The following GUCY2C variants were observed in gnomAD, a reference collection of about 807,000 sequenced individuals.
The protein encoded by GUCY2C is guanylyl cyclase C.
In GUCY2C, 118 loss-of-function variants were observed where a neutral mutation model predicts 131.1. The ratio of observed to expected loss-of-function variants is 0.90; its 90% CI spans 0.78 to 1.05. The LOEUF (loss-of-function observed/expected upper bound fraction) is 1.05, where lower values mean the gene tolerates loss of function less well. GUCY2C is among the 50% of genes least tolerant of loss of function. The pLI is 0.00. For synonymous variants in GUCY2C, 452 were observed against 457.8 expected (o/e 0.99, Z 0.16); for missense variants, 1,161 against 1,304.4 (o/e 0.89, Z 1.69).
rs552882263 is a variant in GUCY2C, at chr12:14,643,453, G to C, written c.1930+121C>G. On this transcript the variant is annotated intron_variant, in intron 17 of 26. Coordinates refer to ENST00000261170, the MANE Select transcript of GUCY2C (RefSeq NM_004963.4). ...TGAAGTTCTGGAGAATGAGCCAGCT[G>C]TTGTCTCTTGTGGCTTTAAGTGCTT... 717 of 795,680 alleles carry C rather than the reference G, an allele frequency of 9.0e-4. 6 individuals are homozygous for C. The highest frequency in any genetic ancestry group is 3.0e-3 in the South Asian group (174 of 57,614). 49.3% of individuals were successfully genotyped at this position (795,680 alleles called of 1,614,324 possible).
intron 10 of GUCY2C, among the ~76,000 whole-genome samples, chr12:14,668,210 C>G (rs568933447): frequency 1.3e-5 from 2 of 150,072 alleles, no homozygotes; most frequent in Admixed American, 6.7e-5. Context: ...TTGCTCTGTT[C>G]CCCAGGCTGG....
chr12:14,616,637 A>G lies in GUCY2C; in HGVS notation c.2966T>C (p.Leu989Ser). The change falls in exon 25 of 27, where the codon TTA (leucine) becomes TCA (serine). Residue 989 changes from leucine to serine, a missense_variant. Transcript: ENST00000261170. ...FLYEVRGETY[L>S]KGRGNETTYW... ...TTGTCTCTGTGGACTCCTTACCTTT[A>G]AGTATGTTTCTCCTCTCACTTCATA... is the stretch of plus-strand genomic sequence containing the variant. The G allele has an allele frequency of 6.4e-7, 1 of 1,550,814 alleles. No homozygotes were observed.
intron 17 of GUCY2C, among the ~76,000 whole-genome samples, chr12:14,641,943 A>AG (rs1947413809): frequency 6.6e-6 from 1 of 151,986 alleles, no homozygotes; most frequent in African/African-American, 2.4e-5. Context: ...TCTCAAAAAA[A>AG]AAAATACAAA....
At chr12:14,619,127 C>T (rs1205581208) in intron 24 of GUCY2C, 84 bp downstream of exon 24, 1 of 772,958 alleles carries the variant, frequency 1.3e-6, no homozygotes, top group Non-Finnish European at 2.3e-6. Context: ...CTTTGTATCT[C>T]CTTATTGTGC....
intron 2 of GUCY2C, among the ~76,000 whole-genome samples, 193 bp from the exon 3 acceptor site, chr12:14,686,418 AC>A (rs1040634350): frequency 1.3e-5 from 2 of 152,158 alleles, no homozygotes; most frequent in African/African-American, 4.8e-5. Context: ...GAGAGGGAAA[AC>A]ACACTACAGG....
chr12:14,662,715 A>ACAATTTAG (rs1208871988), intron 10 of GUCY2C, among the ~76,000 whole-genome samples: 16 of 151,870 alleles, frequency 1.1e-4, no homozygotes, highest in Non-Finnish European at 2.4e-4. Flanking sequence ...ATCACGGTAT[A>ACAATTTAG]CAATTTAGCT....
intron 21 of GUCY2C, among the ~76,000 whole-genome samples, chr12:14,622,615 G>T (rs553014217): frequency 6.6e-6 from 1 of 152,286 alleles, no homozygotes; most frequent in South Asian, 2.1e-4. Context: ...ACAGGTATCA[G>T]ATCTGAATTT....
intron 1 of GUCY2C, among the ~76,000 whole-genome samples, chr12:14,694,173 C>A (rs1384802443): frequency 6.6e-6 from 1 of 152,164 alleles, no homozygotes; most frequent in Non-Finnish European, 1.5e-5. Flanking sequence ...TAAGGTCATA[C>A]CTGTTGTGAA....
intron 12 of GUCY2C, among the ~76,000 whole-genome samples, chr12:14,653,480 T>G (rs1432041749): frequency 6.6e-6 from 1 of 152,234 alleles, no homozygotes; most frequent in East Asian, 1.9e-4. Context: ...CCGAAGTTGC[T>G]AAATCATCTT....
intron 1 of GUCY2C, among the ~76,000 whole-genome samples, chr12:14,692,234 T>A (rs1948587711): frequency 6.6e-6 from 1 of 152,196 alleles, no homozygotes; most frequent in Admixed American, 6.5e-5. Flanking sequence ...AGAGGCTATA[T>A]CACATATATT....
At position 14,641,123 on chromosome 12, in the gene GUCY2C, C is replaced by T. The variant is rs376847075; in HGVS notation, c.2027G>A (p.Arg676Gln). The T allele has an allele frequency of 2.5e-6, 4 of 1,613,740 alleles. No homozygotes were observed. Among genetic ancestry groups the T allele is most frequent in the African/African-American group, 1.3e-5 (1 of 74,990 alleles). ...YGIIAQEIIL[R>Q]KETFYTLSCR... ...GCTCAAAGTGTAGAAGGTTTCTTTCCGCAGGATGATCTCCTGTGCGATGAT... is the reference window on the plus strand; with the variant it reads ...GCTCAAAGTGTAGAAGGTTTCTTTCTGCAGGATGATCTCCTGTGCGATGAT... Residue 676 changes from arginine (R) to glutamine (Q), a missense_variant, in exon 18 of 27, where the codon CGG (arginine) becomes CAG (glutamine). Arg to Gln is a conservative substitution (Grantham distance 43, BLOSUM62 1). Transcript: ENST00000261170.
At chr12:14,659,787 C>A (rs958960297) in intron 11 of GUCY2C, among the ~76,000 whole-genome samples, 29 of 152,180 alleles carry the variant, frequency 1.9e-4, no homozygotes, top group Non-Finnish European at 3.7e-4. Context: ...GTTGTAATGG[C>A]AAACTGCATG....
chr12:14,639,869 T>C lies in GUCY2C; in HGVS notation c.2150A>G (p.Glu717Gly). The change falls in exon 19 of 27, where the codon GAG becomes GGG. Residue 717 changes from glutamate (E) to glycine (G), a missense_variant. Physicochemically the swap from Glu to Gly is moderately conservative, Grantham distance 98. Transcript: ENST00000261170. ...ACGGGAAGATATACTCACTTCTAGC[T>C]CTTTTTCCTCTGCTGTTTCCAAGAA... is the stretch of plus-strand genomic sequence containing the variant. Reference protein sequence around the residue: ...DLFLETAEEKELEVYLLVKNC... With the variant: ...DLFLETAEEKGLEVYLLVKNC... The C allele has an allele frequency of 6.3e-7, 1 of 1,581,054 alleles. No homozygotes were observed. Among genetic ancestry groups the C allele is most frequent in the Non-Finnish European group, 8.7e-7 (1 of 1,149,878 alleles).
rs561471582 is a variant in GUCY2C at position 14,615,736 on chromosome 12, T to C, written c.2971-793A>G. Among the ~76,000 whole-genome samples, 7 of 152,008 alleles carry C rather than the reference T, an allele frequency of 4.6e-5. No homozygotes were observed. The East Asian group carries it at 1.4e-3, about 29-fold the overall frequency. ...TAGCAATCCATAAACTGGTTCTATT[T>C]TGGGGTAAGTGTTCTTTGTAAAAAA... On this transcript the variant is annotated intron_variant, in intron 25 of 26. Transcript: ENST00000261170.
At position 14,681,493 on chromosome 12, in the gene GUCY2C, G is replaced by T. The variant is rs58911033; in HGVS notation, c.612-16C>A. ...ATTAAGGTACCTGGAATAGGAAAAA[G>T]AGAAACTAAAACAGCTTACTTCCCT... On this transcript the variant is annotated splice_polypyrimidine_tract_variant and intron_variant, in intron 4 of 26. Transcript: ENST00000261170. 0.99 allele frequency: 1,587,323 copies of T among 1,608,134 alleles called. 785,236 individuals carry two copies. The highest frequency in any genetic ancestry group is 1 in the Non-Finnish European group (1,174,574 of 1,175,368).
intron 22 of GUCY2C, 36 bp downstream of exon 22, chr12:14,621,969 A>T (rs150733169): frequency 1.3e-5 from 19 of 1,454,680 alleles, no homozygotes; most frequent in Non-Finnish European, 1.7e-5. Flanking sequence ...TGAGTTGTAC[A>T]ATTAATGGTT....
chr12:14,665,613 G>C (rs1465611902), intron 10 of GUCY2C: 1 of 152,258 alleles, frequency 6.6e-6, no homozygotes, highest in Non-Finnish European at 1.5e-5. Context: ...TCAGTTTGAC[G>C]TCATTTTTGT....
At position 14,641,186 on chromosome 12, in the gene GUCY2C, G is replaced by C. The variant is rs1273070201; in HGVS notation, c.1964C>G (p.Ala655Gly). 3.1e-6 allele frequency: 5 copies of C among 1,613,514 alleles called. 1 individual carries two copies. In the Admixed American group the frequency reaches 5.0e-5, roughly 16 times the overall value. Residue 655 changes from alanine (A) to glycine (G), a missense_variant, in exon 18 of 27, where the codon GCC (alanine) becomes GGC (glycine). Ala to Gly is a moderately conservative substitution (Grantham distance 60). Coordinates refer to ENST00000261170, the MANE Select transcript of GUCY2C (RefSeq NM_004963.4). Reference protein sequence around the residue: ...LWTAPEHLRQANISQKGDVYS... With the variant: ...LWTAPEHLRQGNISQKGDVYS... Reference sequence around the variant, plus strand: ...CACATCTCCTTTCTGAGAGATGTTGGCTTGGCGGAGGTGCTCTGGAGCTGT... The same window carrying C: ...CACATCTCCTTTCTGAGAGATGTTGCCTTGGCGGAGGTGCTCTGGAGCTGT...
chr12:14,643,678 G>C lies in GUCY2C; in HGVS notation c.1826C>G (p.Thr609Arg). The C allele has an allele frequency of 1.9e-6, 3 of 1,613,100 alleles. No individual in the cohort carries two copies. Among genetic ancestry groups the C allele is most frequent in the Non-Finnish European group, 1.7e-6 (2 of 1,179,102 alleles). The change falls in exon 17 of 27, where the codon ACA (threonine) becomes AGA (arginine). Residue 609 changes from threonine to arginine, a missense_variant. Transcript: ENST00000261170. ...KGMSYLHSSK[T>R]EVHGRLKSTN... ...AGATTTCAGACGACCATGGACTTCT[G>C]TCTTACTGGAGTGCAGATATGACAT... is the stretch of plus-strand genomic sequence containing the variant.
Sources: gnomAD v4.1 joint callset for allele counts (sites outside exome capture counted in the v4.1 genomes callset) on GRCh38, gnomAD v4.1.1 for gene constraint, MANE v1.5 for transcripts, NCBI Gene and HGNC (gene_info 2026-07-23, HGNC 2026-07-21) for gene names.